Variants in PICALM observed in about 807,000 individuals in gnomAD.
PICALM encodes phosphatidylinositol binding clathrin assembly protein, also known as phosphatidylinositol-binding clathrin assembly protein.
PICALM carries 40 observed loss-of-function variants against 80.5 expected under a neutral mutation model. The observed-to-expected ratio is 0.50, with a 90% confidence interval of 0.39 to 0.65. PICALM has a LOEUF of 0.65. Ranked by LOEUF, PICALM falls within the 30% of genes least tolerant of loss-of-function variation. The pLI, the probability that PICALM is intolerant of heterozygous loss-of-function variation, is 0.00. For missense variants in PICALM, 676 were observed against 778.9 expected (o/e 0.87, Z 1.57); for synonymous variants, 288 against 260.3 (o/e 1.11, Z -1.02).
rs1276091751 is a variant in PICALM, at chr11:85,990,396, G to A, written c.1262C>T (p.Pro421Leu). 1.3e-6 allele frequency: 2 copies of A among 1,597,764 alleles called. No homozygotes were observed. The highest frequency in any genetic ancestry group is 1.7e-5 in the Admixed American group (1 of 59,544). The change falls in exon 13 of 20, where the codon CCT (proline) becomes CTT (leucine). Residue 421 changes from proline (P) to leucine (L), a missense_variant. This residue lies in a region of PICALM where 391 missense variants were observed against 383.6 expected (regional missense o/e 1.02). Coordinates refer to ENST00000393346, the MANE Select transcript of PICALM (RefSeq NM_007166.4). ...AACAGCATCTACAGTAGCAGAGAAA[G>A]GATCTGTGCAGTCCAAATGTATTAT... is the stretch of plus-strand genomic sequence containing the variant. ...ASQVASTWGD[P>L]FSATVDAVDD...
intron 2 of PICALM, among the ~76,000 whole-genome samples, chr11:86,028,045 G>A (rs2095679861): frequency 6.6e-6 from 1 of 151,988 alleles, no homozygotes; most frequent in Admixed American, 6.5e-5. Flanking sequence ...TCGTCTACCA[G>A]GCCATTTCAT....
chr11:86,015,322 A>T (rs567596435), intron 4 of PICALM, among the ~76,000 whole-genome samples: 8 of 152,282 alleles, frequency 5.3e-5, no homozygotes, highest in Non-Finnish European at 7.4e-5. Context: ...CCATTTTTTA[A>T]AATTACAAAT....
intron 19 of PICALM, among the ~76,000 whole-genome samples, chr11:85,964,529 G>A (rs984208963): frequency 3.3e-5 from 5 of 152,150 alleles, no homozygotes; most frequent in Non-Finnish European, 7.3e-5. Context: ...ATGAACACAA[G>A]CACTCAGCAT....
chr11:86,028,728 C>T (rs907631188), intron 2 of PICALM, among the ~76,000 whole-genome samples: 2 of 152,092 alleles, frequency 1.3e-5, no homozygotes, highest in Non-Finnish European at 2.9e-5. Context: ...TCAGCCTTAC[C>T]TTTTGAGATT....
chr11:86,037,191 G>A (rs1202532169), intron 1 of PICALM, among the ~76,000 whole-genome samples: 2 of 145,988 alleles, frequency 1.4e-5, no homozygotes, highest in African/African-American at 2.6e-5. Context: ...TGATCTACCC[G>A]CTTCGGCCTC....
At chr11:86,043,961 G>C (rs1241681987) in intron 1 of PICALM, among the ~76,000 whole-genome samples, 1 of 152,164 alleles carries the variant, frequency 6.6e-6, no homozygotes, top group Admixed American at 6.5e-5. Flanking sequence ...AGAACAACGA[G>C]AATCTTTATA....
At chr11:85,966,434 C>T (rs187075852) in intron 19 of PICALM, among the ~76,000 whole-genome samples, 145 of 152,306 alleles carry the variant, frequency 9.5e-4, no homozygotes, top group African/African-American at 3.3e-3. Context: ...AAAAACAGGG[C>T]AACCTTTAAA....
chr11:85,967,491 G>A (rs66802900), intron 19 of PICALM, among the ~76,000 whole-genome samples: 14,777 of 152,164 alleles, frequency 0.097, 901 homozygotes, highest in Admixed American at 0.14. Flanking sequence ...TTTCTATTTC[G>A]AATGATTCAG....
chr11:86,061,489 A>G (rs2096365249), intron 1 of PICALM, among the ~76,000 whole-genome samples: 1 of 152,196 alleles, frequency 6.6e-6, no homozygotes, highest in Admixed American at 6.5e-5. Context: ...TAAAGAAGAT[A>G]TAAAGATGGC....
intron 4 of PICALM, among the ~76,000 whole-genome samples, chr11:86,020,409 C>G (rs1185116753): frequency 1.0e-5 from 1 of 99,050 alleles, no homozygotes; most frequent in African/African-American, 3.7e-5. Context: ...CCCAGAACAG[C>G]TAAAACAATC....
intron 18 of PICALM, among the ~76,000 whole-genome samples, chr11:85,975,706 C>T (rs1458331702): frequency 6.8e-6 from 1 of 147,344 alleles, no homozygotes; most frequent in Admixed American, 7.1e-5. Flanking sequence ...AAGCCATTCT[C>T]CTGCCTCAGC....
At chr11:86,036,688 CTA>C (rs1322326382) in intron 1 of PICALM, among the ~76,000 whole-genome samples, 1 of 152,130 alleles carries the variant, frequency 6.6e-6, no homozygotes, top group Non-Finnish European at 1.5e-5. Context: ...CTATGAAATA[CTA>C]TGAGGCCAAC....
intron 12 of PICALM, among the ~76,000 whole-genome samples, chr11:85,996,555 T>C (rs1335862211): frequency 1.3e-5 from 2 of 152,174 alleles, no homozygotes; most frequent in Non-Finnish European, 2.9e-5. Flanking sequence ...ATTAAAAGAA[T>C]AATCTCATAG....
At chr11:86,022,165 G>A (rs1260810421) in intron 4 of PICALM, among the ~76,000 whole-genome samples, 1 of 152,082 alleles carries the variant, frequency 6.6e-6, no homozygotes, top group Admixed American at 6.5e-5. Context: ...TTTGTTATGT[G>A]AATGATATCT....
chr11:85,998,205 G>A lies in PICALM; in HGVS notation c.1155-1276C>T, dbSNP rs1173368414. On this transcript the variant is annotated intron_variant, in intron 11 of 19. Transcript: ENST00000393346. ...TGGCTCACTGCAAGCTCCGCCTCCC[G>A]GGTTCATGCCATTCTTCTACCTCAG... 3.3e-5 allele frequency among the ~76,000 whole-genome samples: 5 copies of A among 152,042 alleles called. No individual in the cohort carries two copies. In the East Asian group the frequency reaches 5.8e-4, roughly 18 times the overall value.
Position 85,992,432 on chromosome 11 carries a change from G to A in PICALM, c.1259-2033C>T, listed in dbSNP as rs111886805. ...CCTGAGTAGCTGGGATTACAGGCGC[G>A]TGCCACCACGCTCAGCTCATTTTTC... On this transcript the variant is annotated intron_variant, in intron 12 of 19. Transcript: ENST00000393346. Among the ~76,000 whole-genome samples, 250 of 151,904 alleles carry A rather than the reference G, an allele frequency of 1.6e-3. 2 individuals carry two copies. Among genetic ancestry groups the A allele is most frequent in the African/African-American group, 5.6e-3 (230 of 41,418 alleles).
intron 13 of PICALM, among the ~76,000 whole-genome samples, chr11:85,984,397 A>T (rs1340926112): frequency 6.6e-6 from 1 of 152,170 alleles, no homozygotes; most frequent in African/African-American, 2.4e-5. Context: ...TAGCCCCAAG[A>T]TAAAAGTTTT....
rs200817695 is a variant in PICALM at position 85,981,157 on chromosome 11, G to T, written c.1751C>A (p.Pro584Gln). ...TGTTGCAGCATTCCAAGCGGTTGTT[G>T]GTGCAACCTTTGGTTGCCAGTTAGA... ...GGSNWQPKVA[P>Q]TTAWNAATMA... is the part of the protein sequence containing the mutation. The change falls in exon 17 of 20, where the codon CCA becomes CAA. Residue 584 changes from proline to glutamine, a missense_variant. By Grantham distance (76) the Pro-to-Gln change is moderately conservative (BLOSUM62 -1). This residue lies in a region of PICALM where 391 missense variants were observed against 383.6 expected (regional missense o/e 1.02). Coordinates refer to ENST00000393346, the MANE Select transcript of PICALM (RefSeq NM_007166.4). 369 of 1,600,446 alleles carry T rather than the reference G, an allele frequency of 2.3e-4. No homozygotes were observed. The highest frequency in any genetic ancestry group is 3.0e-4 in the Non-Finnish European group (347 of 1,167,774).
intron 1 of PICALM, among the ~76,000 whole-genome samples, chr11:86,041,067 C>G (rs1385527394): frequency 1.3e-5 from 2 of 152,160 alleles, no homozygotes; most frequent in Non-Finnish European, 2.9e-5. Context: ...ACTCATCATA[C>G]AATAGTTACA....
Sources: allele counts gnomAD v4.1 joint callset (sites outside exome capture counted in the v4.1 genomes callset), GRCh38; gene constraint gnomAD v4.1.1; regional missense constraint gnomAD v4.1.1; transcripts MANE v1.5; gene names NCBI Gene and HGNC (gene_info 2026-07-23, HGNC 2026-07-21).